RBFOX1: variants seen among roughly 807,000 people sequenced by gnomAD.
RBFOX1 encodes RNA binding protein fox-1 homolog 1.
A neutral mutation model predicts 57.7 loss-of-function variants in RBFOX1; 8 were observed. That is an observed-to-expected ratio of 0.14 (90% CI 0.08 to 0.25). The LOEUF (loss-of-function observed/expected upper bound fraction) is 0.25, where lower values mean the gene tolerates loss of function less well. RBFOX1 is among the 10% of genes least tolerant of loss of function. The pLI, the probability that RBFOX1 is intolerant of heterozygous loss-of-function variation, is 1.00. For synonymous variants in RBFOX1, 326 were observed against 222.4 expected (o/e 1.47, Z -4.15); for missense variants, 611 against 548.5 (o/e 1.11, Z -1.14).
At chr16:7,693,666 A>G (rs1448144917) in intron 14 of RBFOX1, among the ~76,000 whole-genome samples, 2 of 152,150 alleles carry the variant, frequency 1.3e-5, no homozygotes, top group Non-Finnish European at 2.9e-5. Flanking sequence ...CAGTGCTCTT[A>G]TGGTAAAATA....
At chr16:6,869,702 T>C (rs1260756200) in intron 3 of RBFOX1, among the ~76,000 whole-genome samples, 1 of 152,196 alleles carries the variant, frequency 6.6e-6, no homozygotes, top group East Asian at 1.9e-4. Context: ...ATTCATGCAG[T>C]TGGCAAAGCC....
At chr16:5,576,522 T>C (rs879707584) in intron 2 of RBFOX1, among the ~76,000 whole-genome samples, 5 of 152,242 alleles carry the variant, frequency 3.3e-5, no homozygotes, top group African/African-American at 4.8e-5. Context: ...TGGAAAGTGA[T>C]AATTTCCCAG....
intron 4 of RBFOX1, among the ~76,000 whole-genome samples, chr16:7,487,258 T>C (rs2065657729): frequency 6.6e-6 from 1 of 152,144 alleles, no homozygotes; most frequent in Admixed American, 6.5e-5. Flanking sequence ...CTCCAAGACA[T>C]CCACATGGTA....
chr16:6,879,005 A>C (rs1222538783), intron 3 of RBFOX1, among the ~76,000 whole-genome samples: 1 of 152,310 alleles, frequency 6.6e-6, no homozygotes, highest in East Asian at 1.9e-4. Flanking sequence ...AATGCTAATA[A>C]GCAAAGCCCA....
intron 2 of RBFOX1, among the ~76,000 whole-genome samples, chr16:6,401,238 A>C (rs1436230124): frequency 6.6e-6 from 1 of 152,212 alleles, no homozygotes; most frequent in Non-Finnish European, 1.5e-5. Flanking sequence ...AGTACCATCC[A>C]CTGGCCAGAT....
chr16:5,948,603 G>A (rs553287738), intron 4 of RBFOX1, among the ~76,000 whole-genome samples: 7 of 152,188 alleles, frequency 4.6e-5, no homozygotes, highest in African/African-American at 7.2e-5. Context: ...AAGGCCGTGC[G>A]ATGGCAGAGG....
chr16:5,643,190 G>A (rs1172009618), intron 3 of RBFOX1, among the ~76,000 whole-genome samples: 1 of 152,202 alleles, frequency 6.6e-6, no homozygotes, highest in Non-Finnish European at 1.5e-5. Context: ...AGAAGCAGGA[G>A]GGTGAGGAAC....
At chr16:6,612,881 T>C (rs1292792841) in intron 2 of RBFOX1, among the ~76,000 whole-genome samples, 1 of 150,678 alleles carries the variant, frequency 6.6e-6, no homozygotes, top group Non-Finnish European at 1.5e-5. Flanking sequence ...ATAATAATAT[T>C]TGTTTGTTCC....
chr16:6,158,231 A>G (rs1244797487), intron 1 of RBFOX1, among the ~76,000 whole-genome samples: 3 of 152,236 alleles, frequency 2.0e-5, no homozygotes, highest in Admixed American at 6.5e-5. Context: ...GGGGCCTTGG[A>G]CTTGTCTGAA....
chr16:5,299,024 C>G (rs928657037), intron 1 of RBFOX1, among the ~76,000 whole-genome samples: 9 of 140,856 alleles, frequency 6.4e-5, no homozygotes, highest in African/African-American at 2.4e-4. Context: ...ACCATCATGC[C>G]AAACAAAATT....
At chr16:6,193,757 T>G (rs1471803378) in intron 1 of RBFOX1, among the ~76,000 whole-genome samples, 2 of 152,070 alleles carry the variant, frequency 1.3e-5, no homozygotes, top group African/African-American at 4.8e-5. Flanking sequence ...ATTTTGGGTC[T>G]TTTCCTGTTT....
At chr16:5,561,828 C>G (rs764330907) in intron 2 of RBFOX1, among the ~76,000 whole-genome samples, 1 of 152,090 alleles carries the variant, frequency 6.6e-6, no homozygotes, top group Non-Finnish European at 1.5e-5. Context: ...GTCTTGGTTC[C>G]TTTTGCAATT....
intron 3 of RBFOX1, among the ~76,000 whole-genome samples, chr16:6,714,026 G>A (rs1343089218): frequency 6.6e-6 from 1 of 152,224 alleles, no homozygotes; most frequent in Admixed American, 6.5e-5. Flanking sequence ...ATACCCATGT[G>A]TGGAGGAAGA....
chr16:6,023,134 G>A (rs762296479), intron 1 of RBFOX1, among the ~76,000 whole-genome samples: 1 of 152,192 alleles, frequency 6.6e-6, no homozygotes, highest in Admixed American at 6.5e-5. Context: ...TCCGTAGAAC[G>A]TACAGTTTTT....
chr16:6,147,233 A>G (rs1426478887), intron 1 of RBFOX1, among the ~76,000 whole-genome samples: 1 of 152,124 alleles, frequency 6.6e-6, no homozygotes, highest in East Asian at 1.9e-4. Context: ...ATGCTCTCTT[A>G]GCGTCCTCTG....
intron 4 of RBFOX1, among the ~76,000 whole-genome samples, chr16:7,228,361 C>A (rs2093283732): frequency 1.3e-5 from 2 of 152,136 alleles, no homozygotes; most frequent in African/African-American, 4.8e-5. Context: ...TCTCCTACTA[C>A]CCCCCGCTGT....
At chr16:6,586,225 G>A (rs1015091690) in intron 2 of RBFOX1, among the ~76,000 whole-genome samples, 2 of 152,166 alleles carry the variant, frequency 1.3e-5, no homozygotes, top group Non-Finnish European at 2.9e-5. Flanking sequence ...ATCCCAATTT[G>A]CTCAGATAGG....
At chr16:7,509,900 C>A (rs530441551) in intron 4 of RBFOX1, among the ~76,000 whole-genome samples, 1 of 151,844 alleles carries the variant, frequency 6.6e-6, no homozygotes, top group Non-Finnish European at 1.5e-5. Flanking sequence ...AATTCCAGCT[C>A]CAGGCGATGC....
intron 4 of RBFOX1, among the ~76,000 whole-genome samples, chr16:7,510,950 C>T (rs372448740): frequency 6.6e-6 from 1 of 152,088 alleles, no homozygotes; most frequent in East Asian, 1.9e-4. Context: ...GGAGGTTCTC[C>T]ACAGCAGGAA....
Sources: allele counts gnomAD v4.1 joint callset (sites outside exome capture counted in the v4.1 genomes callset), GRCh38; gene constraint gnomAD v4.1.1; transcripts MANE v1.5; gene names NCBI Gene and HGNC (gene_info 2026-07-23, HGNC 2026-07-21).